KLHL13: variants seen among roughly 807,000 people sequenced by gnomAD.
KLHL13 encodes kelch like family member 13.
KLHL13 carries 10 observed loss-of-function variants against 37.1 expected under a neutral mutation model. The ratio of observed to expected loss-of-function variants is 0.27; its 90% CI spans 0.17 to 0.46. The LOEUF (loss-of-function observed/expected upper bound fraction) is 0.46, where lower values mean the gene tolerates loss of function less well. KLHL13 is among the 20% of genes least tolerant of loss of function. The pLI is 1.00. For missense variants in KLHL13, 360 were observed against 509.3 expected (o/e 0.71, Z 2.82); for synonymous variants, 163 against 181.2 (o/e 0.90, Z 0.81).
chrX:117,935,362 G>A (rs1249492440), intron 2 of KLHL13, among the ~76,000 whole-genome samples: 2 of 112,274 alleles, frequency 1.8e-5, no homozygotes, highest in Admixed American at 9.4e-5. Flanking sequence ...AGTCACAAAA[G>A]ACCACATATT....
At position 117,901,340 on chromosome X, in the gene KLHL13, G is replaced by A. The variant is rs190718464; in HGVS notation, c.1480+493C>T. Among the ~76,000 whole-genome samples, 217 of 111,207 alleles carry A rather than the reference G, an allele frequency of 2.0e-3. 1 individual carries two copies. The highest frequency in any genetic ancestry group is 6.4e-3 in the African/African-American group (197 of 30,698). On this transcript the variant is annotated intron_variant, in intron 6 of 6. Transcript: ENST00000262820. ...GAATACAGAGCATGGGGACTGGAAA[G>A]CAAAATTTGAATGCTTTCCAATTTT...
intron 1 of KLHL13, among the ~76,000 whole-genome samples, chrX:118,080,766 AC>A (rs2054983169): frequency 8.9e-6 from 1 of 112,023 alleles, no homozygotes; most frequent in African/African-American, 3.2e-5. Flanking sequence ...CTGGGTACAT[AC>A]CCAAAGGAAA....
intron 1 of KLHL13, among the ~76,000 whole-genome samples, chrX:118,034,265 C>T (rs1276124019): frequency 9.5e-6 from 1 of 105,278 alleles, no homozygotes; most frequent in Non-Finnish European, 1.9e-5. Context: ...CAGAACTCTC[C>T]ACCCCAAATC....
At chrX:118,051,449 G>A (rs1158764496) in intron 1 of KLHL13, among the ~76,000 whole-genome samples, 6 of 109,670 alleles carry the variant, frequency 5.5e-5, no homozygotes, top group African/African-American at 1.7e-4. Flanking sequence ...GCCGAGGCAG[G>A]AGAATGGCAT....
intron 1 of KLHL13, among the ~76,000 whole-genome samples, chrX:118,105,239 A>G (rs2055333683): frequency 8.9e-6 from 1 of 112,636 alleles, no homozygotes; most frequent in Non-Finnish European, 1.9e-5. Context: ...TTATTTCTCT[A>G]GAATCTGTTT....
chrX:118,070,044 T>C, intron 1 of KLHL13, among the ~76,000 whole-genome samples: 1 of 112,332 alleles, frequency 8.9e-6, no homozygotes, highest in Non-Finnish European at 1.9e-5. Flanking sequence ...CTACCTATAG[T>C]ATTCAGTACA....
intron 1 of KLHL13, among the ~76,000 whole-genome samples, chrX:118,016,013 C>T (rs2054124702): frequency 9.0e-6 from 1 of 111,601 alleles, no homozygotes; most frequent in African/African-American, 3.2e-5. Context: ...AGTGAGAAAA[C>T]CAAATTATGA....
chrX:118,068,553 C>G (rs925943533), intron 1 of KLHL13, among the ~76,000 whole-genome samples: 2 of 110,564 alleles, frequency 1.8e-5, no homozygotes, highest in Admixed American at 1.9e-4. Context: ...CCAGCAGCCC[C>G]CATCAACCCT....
intron 2 of KLHL13, among the ~76,000 whole-genome samples, chrX:117,936,455 C>T (rs1274433200): frequency 8.9e-6 from 1 of 112,135 alleles, no homozygotes; most frequent in East Asian, 2.8e-4. Flanking sequence ...AGATGGACAC[C>T]TTATTCGGTA....
At chrX:118,040,766 T>C (rs753954505) in intron 1 of KLHL13, among the ~76,000 whole-genome samples, 1 of 111,377 alleles carries the variant, frequency 9.0e-6, no homozygotes, top group African/African-American at 3.3e-5. Flanking sequence ...CATTTAATTA[T>C]CAAACTCCCA....
intron 1 of KLHL13, among the ~76,000 whole-genome samples, chrX:118,064,941 C>T (rs1438216914): frequency 1.8e-5 from 2 of 111,609 alleles, no homozygotes; most frequent in Non-Finnish European, 3.8e-5. Flanking sequence ...CCCTTCCCTA[C>T]AACTTGGAAT....
At chrX:117,945,884 C>A (rs1207953034) in intron 1 of KLHL13, 1 of 159,124 alleles carries the variant, frequency 6.3e-6, no homozygotes, top group Admixed American at 7.8e-5. Context: ...ATTTAGATAG[C>A]AATGCCATCA....
At chrX:118,030,826 G>C (rs1250004116) in intron 1 of KLHL13, among the ~76,000 whole-genome samples, 2 of 111,687 alleles carry the variant, frequency 1.8e-5, no homozygotes, top group East Asian at 5.6e-4. Flanking sequence ...GAACGTCCTA[G>C]CCTCCAGAAC....
At chrX:118,014,158 G>C (rs754713846) in intron 1 of KLHL13, among the ~76,000 whole-genome samples, 2 of 112,132 alleles carry the variant, frequency 1.8e-5, no homozygotes, top group South Asian at 7.5e-4. Context: ...GGGCAGAACA[G>C]AGCCATATTT....
In KLHL13 at chrX:118,088,614, A is replaced by G. The variant is rs745468891; in HGVS notation, c.-56+27894T>C. Among the ~76,000 whole-genome samples, 247 of 112,064 alleles carry G rather than the reference A, an allele frequency of 2.2e-3. 2 individuals carry two copies. Among genetic ancestry groups the G allele is most frequent in the Admixed American group, 4.5e-3 (47 of 10,466 alleles). ...TAAATAACTCTATTGACAAAGCAGC[A>G]AAATAGAATATAAAGCCACTCCAAA... On this transcript the variant is annotated intron_variant, in intron 1 of 6. Transcript: ENST00000371882.
intron 1 of KLHL13, among the ~76,000 whole-genome samples, chrX:117,955,467 A>G (rs888221482): frequency 9.8e-5 from 11 of 112,058 alleles, no homozygotes; most frequent in African/African-American, 3.2e-4. Context: ...AAATTTACCA[A>G]ATCTCAGTCT....
At chrX:118,051,831 C>A (rs766569643) in intron 1 of KLHL13, among the ~76,000 whole-genome samples, 2 of 111,138 alleles carry the variant, frequency 1.8e-5, no homozygotes, top group African/African-American at 6.6e-5. Flanking sequence ...GAGAACTGAA[C>A]ACATAAAAAT....
chrX:117,931,590 A>G (rs1932455843), intron 2 of KLHL13, among the ~76,000 whole-genome samples: 1 of 112,496 alleles, frequency 8.9e-6, no homozygotes, highest in Non-Finnish European at 1.9e-5. Flanking sequence ...TTATTATATC[A>G]TTCATTCCAA....
At chrX:117,903,107 T>TA (rs1205493989) in intron 5 of KLHL13, among the ~76,000 whole-genome samples, 27 of 98,770 alleles carry the variant, frequency 2.7e-4, no homozygotes, top group East Asian at 2.5e-3. Flanking sequence ...ATTCTCTACT[T>TA]AAAAAAAAAT....
Sources: allele counts gnomAD v4.1 joint callset (sites outside exome capture counted in the v4.1 genomes callset), GRCh38; gene constraint gnomAD v4.1.1; transcripts MANE v1.5; gene names NCBI Gene and HGNC (gene_info 2026-07-23, HGNC 2026-07-21).